MLIP: variants seen among roughly 807,000 people sequenced by gnomAD.
MLIP encodes the protein muscular LMNA interacting protein, also known as muscular LMNA-interacting protein.
In MLIP, 79 loss-of-function variants were observed where a neutral mutation model predicts 84.8. The observed-to-expected ratio is 0.93, with a 90% CI of 0.78 to 1.12. The LOEUF is 1.12. Among genes scored for constraint, MLIP ranks in the 50% most tolerant of loss-of-function variants. The pLI, the probability that MLIP is intolerant of heterozygous loss-of-function variation, is 0.00. For missense variants in MLIP, 1,257 were observed against 1,160.6 expected (o/e 1.08, Z -1.21); for synonymous variants, 504 against 463.0 (o/e 1.09, Z -1.14).
At chr6:54,160,090 T>C (rs575142146) in intron 5 of MLIP, among the ~76,000 whole-genome samples, 2 of 152,130 alleles carry the variant, frequency 1.3e-5, no homozygotes, top group Non-Finnish European at 2.9e-5. Flanking sequence ...AGTTCCCTAT[T>C]TAATAAATGA....
intron 1 of MLIP, among the ~76,000 whole-genome samples, chr6:54,119,288 T>G (rs984928177): frequency 6.6e-6 from 1 of 152,224 alleles, no homozygotes; most frequent in Non-Finnish European, 1.5e-5. Flanking sequence ...AGAATTAAAC[T>G]AGGTTTCTAT....
rs191348367 is a variant in MLIP, at chr6:54,192,511, T to C, written c.2589+2597T>C. Among the ~76,000 whole-genome samples the C allele has an allele frequency of 1.4e-3, 209 of 152,078 alleles. 2 individuals carry two copies. In the East Asian group the frequency reaches 0.028, roughly 20 times the overall value. ...AGTAACACTATTTATAAAGTTATAA[T>C]TTTTTCATTTTTATGAATGAATTTT... On this transcript the variant is annotated intron_variant, in intron 10 of 13. Coordinates refer to ENST00000502396, the MANE Select transcript of MLIP (RefSeq NM_001281747.2).
chr6:54,243,908 G>A (rs1697500139), intron 12 of MLIP, among the ~76,000 whole-genome samples: 1 of 152,140 alleles, frequency 6.6e-6, no homozygotes, highest in African/African-American at 2.4e-5. Context: ...CAAGGCCATG[G>A]CATGAGTTAC....
chr6:54,178,447 C>T (rs1159760724), intron 9 of MLIP, among the ~76,000 whole-genome samples: 1 of 151,848 alleles, frequency 6.6e-6, no homozygotes, highest in Non-Finnish European at 1.5e-5. Context: ...TTTTCTTCTA[C>T]TAATTTTGGG....
intron 2 of MLIP, among the ~76,000 whole-genome samples, chr6:54,123,045 C>A (rs1344402993): frequency 6.6e-6 from 1 of 152,028 alleles, no homozygotes. Context: ...CATTCTCCTG[C>A]CTCAGCCTCC....
At chr6:54,154,555 G>C (rs558879349) in intron 5 of MLIP, among the ~76,000 whole-genome samples, 1 of 152,126 alleles carries the variant, frequency 6.6e-6, no homozygotes, top group Non-Finnish European at 1.5e-5. Context: ...AAGCATCAAG[G>C]TTACTAAGTT....
intron 9 of MLIP, among the ~76,000 whole-genome samples, chr6:54,173,738 C>G (rs1775997318): frequency 6.6e-6 from 1 of 151,854 alleles, no homozygotes. Flanking sequence ...TCTGATTATA[C>G]TCTTTTAGTT....
At chr6:54,180,566 C>T (rs541684084) in intron 9 of MLIP, among the ~76,000 whole-genome samples, 22 of 152,258 alleles carry the variant, frequency 1.4e-4, no homozygotes, top group Admixed American at 5.9e-4. Context: ...TTTCAAATTA[C>T]CTGCCTTTGA....
intron 11 of MLIP, chr6:54,217,819 A>G (rs1779953331): frequency 1.0e-6 from 1 of 985,052 alleles, no homozygotes; most frequent in South Asian, 4.7e-5. Flanking sequence ...TCCCTCAAAA[A>G]CTAAAACATT....
rs563403967 is a variant in MLIP at position 54,055,248 on chromosome 6, A to G, written c.63+36157A>G. ...CACTTTTTCCTTCTATGTGTCCCCA[A>G]TGTGTAACATGATCCCGGGCACACA... On this transcript the variant is annotated intron_variant, in intron 1 of 12. Coordinates refer to the MLIP transcript ENST00000274897. 1.6e-3 allele frequency among the ~76,000 whole-genome samples: 237 copies of G among 152,186 alleles called. 2 individuals are homozygous for G. Among genetic ancestry groups the G allele is most frequent in the African/African-American group, 5.4e-3 (223 of 41,498 alleles).
rs145620892 is a variant in MLIP, at chr6:54,057,658, T to G, written c.63+38567T>G. Among the ~76,000 whole-genome samples the G allele has an allele frequency of 1.2e-4, 19 of 152,320 alleles. No homozygotes were observed. The East Asian group carries it at 3.5e-3, about 28-fold the overall frequency. On this transcript the variant is annotated intron_variant, in intron 1 of 12. Transcript: ENST00000274897. ...CTAGATCACGTCCAGTCATGGCAAGTCCACTAATTTTTTTAAGGCAGTTTT... is the reference window on the plus strand; with the variant it reads ...CTAGATCACGTCCAGTCATGGCAAGGCCACTAATTTTTTTAAGGCAGTTTT...
intron 10 of MLIP, among the ~76,000 whole-genome samples, chr6:54,195,112 A>G (rs1778205228): frequency 6.6e-6 from 1 of 152,110 alleles, no homozygotes; most frequent in Admixed American, 6.6e-5. Context: ...TGGAAATTCT[A>G]AAGGCAAAGA....
chr6:54,201,967 AT>A (rs1228887974), intron 10 of MLIP, 137 bp from the exon 11 acceptor site: 2 of 576,846 alleles, frequency 3.5e-6, no homozygotes, highest in East Asian at 3.9e-5. Flanking sequence ...GTTTTTATGC[AT>A]TTTTGAAATC....
chr6:54,055,056 T>G (rs572169896), intron 1 of MLIP, among the ~76,000 whole-genome samples: 2 of 152,118 alleles, frequency 1.3e-5, no homozygotes, highest in Non-Finnish European at 2.9e-5. Context: ...CCCAGCTATT[T>G]TTTTGTATTT....
At chr6:54,200,457 A>C (rs2150709219) in intron 10 of MLIP, among the ~76,000 whole-genome samples, 1 of 152,252 alleles carries the variant, frequency 6.6e-6, no homozygotes, top group Non-Finnish European at 1.5e-5. Context: ...AAGTGCAGGA[A>C]GTGCAGGAAT....
At chr6:54,146,580 T>C (rs1045206544) in intron 4 of MLIP, among the ~76,000 whole-genome samples, 1 of 152,322 alleles carries the variant, frequency 6.6e-6, no homozygotes, top group East Asian at 1.9e-4. Context: ...TTTGTACTAA[T>C]TCTAACACTT....
intron 1 of MLIP, among the ~76,000 whole-genome samples, chr6:54,093,433 C>T (rs1767998099): frequency 6.8e-6 from 1 of 147,584 alleles, no homozygotes; most frequent in Non-Finnish European, 1.5e-5. Context: ...CCAAACAGGA[C>T]TCACTGATAG....
chr6:54,022,077 T>C (rs1241216395), intron 1 of MLIP, among the ~76,000 whole-genome samples: 1 of 152,212 alleles, frequency 6.6e-6, no homozygotes, highest in African/African-American at 2.4e-5. Context: ...TGAGGTTGAA[T>C]GGATCTTTTG....
intron 8 of MLIP, among the ~76,000 whole-genome samples, chr6:54,166,220 T>C (rs1049226245): frequency 6.6e-6 from 1 of 151,944 alleles, no homozygotes; most frequent in Admixed American, 6.6e-5. Context: ...AGAGAAATAA[T>C]TTTATAACCA....
Sources: gnomAD v4.1 joint callset for allele counts (sites outside exome capture counted in the v4.1 genomes callset) on GRCh38, gnomAD v4.1.1 for gene constraint, MANE v1.5 for transcripts, NCBI Gene and HGNC (gene_info 2026-07-23, HGNC 2026-07-21) for gene names.